Variants in NUP155 observed in about 807,000 individuals in gnomAD.
The protein encoded by NUP155 is nuclear pore complex protein Nup155.
Under a neutral mutation model 180.4 loss-of-function variants are expected in NUP155, and 71 were observed. The ratio of observed to expected loss-of-function variants is 0.39; its 90% CI spans 0.33 to 0.48. The LOEUF (loss-of-function observed/expected upper bound fraction) is 0.48. Among genes scored for constraint, NUP155 ranks in the 20% least tolerant of loss-of-function variants. The pLI, the probability that NUP155 is intolerant of heterozygous loss-of-function variation, is 0.91. For missense variants in NUP155, 1,553 were observed against 1,648.9 expected (o/e 0.94, Z 1.01); for synonymous variants, 582 against 559.5 (o/e 1.04, Z -0.57).
intron 21 of NUP155, among the ~76,000 whole-genome samples, chr5:37,314,891 G>C (rs977462732): frequency 6.6e-6 from 1 of 151,918 alleles, no homozygotes; most frequent in African/African-American, 2.4e-5. Context: ...TCCTCAGTAG[G>C]GAAGAAAGTA....
In NUP155 at chr5:37,349,058, C is replaced by CT. The variant is rs35729800; in HGVS notation, c.903+113dup. On this transcript the variant is annotated intron_variant, in intron 8 of 34. Coordinates refer to ENST00000231498, the MANE Select transcript of NUP155 (RefSeq NM_153485.3). ...GGCTTGAGCCACCATGCCCAGCAGG[C>CT]TTTTTTTTTTTTTAGTTACACAGTT... The CT allele has an allele frequency of 0.14, 37,935 of 279,234 alleles. 1,732 individuals carry two copies. The highest frequency in any genetic ancestry group is 0.24 in the East Asian group (3,026 of 12,820). The allele number at this position is 279,234 out of a possible 1,614,324, so 17.3% of individuals were successfully genotyped here. A position where few individuals can be genotyped will look rare whatever the true frequency, so the allele number is the denominator to read the frequency against.
intron 12 of NUP155, among the ~76,000 whole-genome samples, chr5:37,337,331 G>A (rs1371971857): frequency 6.6e-6 from 1 of 151,986 alleles, no homozygotes; most frequent in East Asian, 1.9e-4. Context: ...ATTCTCTTAC[G>A]TGAGGTTCAA....
At chr5:37,330,198 A>G in intron 14 of NUP155, 66 bp from the exon 15 acceptor site, 1 of 1,071,538 alleles carries the variant, frequency 9.3e-7, no homozygotes, top group Non-Finnish European at 1.4e-6. Context: ...GTGTACTGCT[A>G]GATGCAGTAT....
intron 6 of NUP155, 48 bp from the exon 7 acceptor site, chr5:37,350,313 TTACAA>T: frequency 8.6e-7 from 1 of 1,160,774 alleles, no homozygotes; most frequent in Non-Finnish European, 1.3e-6. Flanking sequence ...TGTAACTCCC[TTACAA>T]TAACTACTGT....
intron 22 of NUP155, among the ~76,000 whole-genome samples, 196 bp downstream of exon 22, chr5:37,314,002 C>A (rs1236968244): frequency 6.6e-6 from 1 of 152,130 alleles, no homozygotes; most frequent in Non-Finnish European, 1.5e-5. Flanking sequence ...CACATACCCA[C>A]AAGTAAAAAC....
chr5:37,353,768 G>A (rs1269413937), intron 4 of NUP155, among the ~76,000 whole-genome samples: 2 of 152,088 alleles, frequency 1.3e-5, no homozygotes, highest in Non-Finnish European at 2.9e-5. Context: ...AAAGTGGAAT[G>A]GTTACTACCA....
In NUP155 at chr5:37,298,845, C is replaced by G. The variant is rs370442910; in HGVS notation, c.3793+23G>C. 7.4e-6 allele frequency: 9 copies of G among 1,222,008 alleles called. No individual in the cohort carries two copies. In the African/African-American group the frequency reaches 1.3e-4, roughly 18 times the overall value. 75.7% of individuals were successfully genotyped at this position (1,222,008 alleles called of 1,614,324 possible). A position where few individuals can be genotyped will look rare whatever the true frequency, so the allele number is the denominator to read the frequency against. ...AACCATCAGAACAGAAAATACGTGACTGCACCTAAGATCACAGCTTACCTA... is the reference window on the plus strand; with the variant it reads ...AACCATCAGAACAGAAAATACGTGAGTGCACCTAAGATCACAGCTTACCTA... On this transcript the variant is annotated intron_variant, in intron 32 of 34. Coordinates refer to ENST00000231498, the MANE Select transcript of NUP155 (RefSeq NM_153485.3).
rs570579489 is a variant in NUP155 at position 37,343,445 on chromosome 5, T to TTTCCA, written c.996-800_996-799insTGGAA. Among the ~76,000 whole-genome samples the TTTCCA allele has an allele frequency of 1.2e-3, 189 of 152,270 alleles. 3 individuals are homozygous for TTTCCA. Among genetic ancestry groups the TTTCCA allele is most frequent in the East Asian group, 0.01 (52 of 5,186 alleles). ...AAAGTAATACAAGAGCAGCAAGAAC[T>TTTCCA]GGAAAAACTCTGGAATGTGTATTTT... On this transcript the variant is annotated intron_variant, in intron 9 of 34. Coordinates refer to ENST00000231498, the MANE Select transcript of NUP155 (RefSeq NM_153485.3).
At chr5:37,368,586 G>A (rs937218643) in intron 1 of NUP155, among the ~76,000 whole-genome samples, 5 of 151,850 alleles carry the variant, frequency 3.3e-5, no homozygotes, top group African/African-American at 4.8e-5. Flanking sequence ...TTGGGAGGCC[G>A]AGGCGGGCGG....
At chr5:37,366,115 G>C (rs1178311730) in intron 1 of NUP155, among the ~76,000 whole-genome samples, 1 of 152,088 alleles carries the variant, frequency 6.6e-6, no homozygotes, top group African/African-American at 2.4e-5. Context: ...GTGTTCTCAT[G>C]GGCAACCTTT....
chr5:37,350,258 G>A lies in NUP155; in HGVS notation c.731C>T (p.Ala244Val), dbSNP rs773888407. 1.9e-6 allele frequency: 3 copies of A among 1,612,270 alleles called. No individual in the cohort carries two copies. The South Asian group carries it at 3.3e-5, about 18-fold the overall frequency. Residue 244 changes from alanine to valine, a missense_variant, in exon 7 of 35, where the codon GCA becomes GTA. Ala to Val is a moderately conservative substitution (Grantham distance 64). Transcript: ENST00000231498. ...CLYEVAYQAE[A>V]GWFSQRCRKI... ...CCTACATCTTTGGCTAAACCACCCT[G>A]CTTCAGCCTTAAAGAAAAAAGTAGA...
chr5:37,318,431 T>A (rs1009206012), intron 20 of NUP155, among the ~76,000 whole-genome samples: 2 of 151,962 alleles, frequency 1.3e-5, no homozygotes, highest in African/African-American at 4.8e-5. Context: ...AGAGTTAATA[T>A]GATTCTCCAA....
chr5:37,328,456 A>G, intron 16 of NUP155, 36 bp from the exon 17 acceptor site: 1 of 1,404,462 alleles, frequency 7.1e-7, no homozygotes, highest in South Asian at 1.2e-5. Context: ...GATTTAGAAA[A>G]GAACATCTCA....
In NUP155 at chr5:37,294,516, A is replaced by G. The variant is rs754494338; in HGVS notation, c.3794-51T>C. 4 of 1,542,282 alleles carry G rather than the reference A, an allele frequency of 2.6e-6. No homozygotes were observed. The Admixed American group carries it at 6.7e-5, about 26-fold the overall frequency. ...ATTTGGATTTTTAGCTCTTGATACTAAAAGGTAGGTCTTATTCATAACTGA... is the reference window on the plus strand; with the variant it reads ...ATTTGGATTTTTAGCTCTTGATACTGAAAGGTAGGTCTTATTCATAACTGA... On this transcript the variant is annotated intron_variant, in intron 32 of 34. Transcript: ENST00000231498.
chr5:37,369,034 C>T (rs1275235472), intron 1 of NUP155, among the ~76,000 whole-genome samples: 1 of 152,182 alleles, frequency 6.6e-6, no homozygotes, highest in Non-Finnish European at 1.5e-5. Context: ...AGGAGGACTG[C>T]TTGATGCCAG....
chr5:37,334,126 G>T (rs1328729693), intron 12 of NUP155, among the ~76,000 whole-genome samples: 3 of 150,140 alleles, frequency 2.0e-5, no homozygotes, highest in African/African-American at 7.3e-5. Context: ...TTTTGAGACA[G>T]CATCTTACTC....
Position 37,304,857 on chromosome 5 carries a change from A to C in NUP155, c.3058-14T>G. On this transcript the variant is annotated splice_polypyrimidine_tract_variant and intron_variant, in intron 26 of 34. Coordinates refer to ENST00000231498, the MANE Select transcript of NUP155 (RefSeq NM_153485.3). The stretch of plus-strand genomic sequence containing the variant: ...CATTTGTTCAAACTAAAATAAAGAA[A>C]ATAGTAAAAATTAGCAGTTAAAGGC... 1 of 1,606,764 alleles carries C rather than the reference A, an allele frequency of 6.2e-7. No homozygotes were observed. The highest frequency in any genetic ancestry group is 8.5e-7 in the Non-Finnish European group (1 of 1,173,404).
chr5:37,316,952 G>A (rs1365376807), intron 21 of NUP155, among the ~76,000 whole-genome samples: 5 of 145,624 alleles, frequency 3.4e-5, no homozygotes, highest in African/African-American at 1.3e-4. Flanking sequence ...CATGAGGTCA[G>A]GAGATTGAGA....
chr5:37,338,493 G>A (rs1459729828), intron 11 of NUP155, among the ~76,000 whole-genome samples: 5 of 146,032 alleles, frequency 3.4e-5, no homozygotes, highest in African/African-American at 5.1e-5. Flanking sequence ...TGCAAGCTCC[G>A]CCTCCTGGGT....
Sources: gnomAD v4.1 joint callset for allele counts (sites outside exome capture counted in the v4.1 genomes callset) on GRCh38, gnomAD v4.1.1 for gene constraint, MANE v1.5 for transcripts, NCBI Gene and HGNC (gene_info 2026-07-23, HGNC 2026-07-21) for gene names.